Variants in ETF1 observed in about 807,000 individuals in gnomAD.
The protein encoded by ETF1 is eukaryotic translation termination factor 1.
A neutral mutation model predicts 55.1 loss-of-function variants in ETF1; 4 were observed. That is an observed-to-expected ratio of 0.07 (90% confidence interval 0.04 to 0.17). The LOEUF (loss-of-function observed/expected upper bound fraction) is 0.17, where lower values mean the gene tolerates loss of function less well. Ranked by LOEUF, ETF1 falls within the 10% of genes least tolerant of loss-of-function variation. The pLI, the probability that ETF1 is intolerant of heterozygous loss-of-function variation, is 1.00. For missense variants in ETF1, 142 were observed against 523.6 expected (o/e 0.27, Z 7.11); for synonymous variants, 157 against 182.3 (o/e 0.86, Z 1.12).
chr5:138,513,154 G>T (rs753717241), intron 5 of ETF1, 200 bp from the exon 6 acceptor site: 1 of 985,176 alleles, frequency 1.0e-6, no homozygotes, highest in African/African-American at 1.7e-5. Context: ...GGAGCTGTAA[G>T]TACCAATGAG....
At chr5:138,524,490 C>T (rs1040660119) in intron 2 of ETF1, among the ~76,000 whole-genome samples, 2 of 150,348 alleles carry the variant, frequency 1.3e-5, no homozygotes, top group Non-Finnish European at 3.0e-5. Flanking sequence ...GAGGTTGAGG[C>T]TGCAGTGAGC....
At chr5:138,535,809 A>G (rs1179291473) in intron 2 of ETF1, among the ~76,000 whole-genome samples, 4 of 121,366 alleles carry the variant, frequency 3.3e-5, no homozygotes, top group Non-Finnish European at 6.4e-5. Flanking sequence ...TGGGAGGTGG[A>G]GGTTGCAGTA....
chr5:138,509,230 A>G (rs2127060864), intron 9 of ETF1: 1 of 964,932 alleles, frequency 1.0e-6, no homozygotes, highest in Admixed American at 6.2e-5. Flanking sequence ...TGAGGAAGCT[A>G]TCATTTAAAC....
intron 2 of ETF1, among the ~76,000 whole-genome samples, chr5:138,542,474 G>A (rs938098301): frequency 1.3e-5 from 2 of 151,454 alleles, no homozygotes; most frequent in East Asian, 1.9e-4. Context: ...GGGAAAGGAA[G>A]GCCGAACACT....
At chr5:138,512,259 T>TATTATTTTATATATATATA (rs57032066) in intron 6 of ETF1, among the ~76,000 whole-genome samples, 13 of 15,796 alleles carry the variant, frequency 8.2e-4, no homozygotes, top group Middle Eastern at 0.071. Context: ...TATATATATA[T>TATTATTTTATATATATATA]TTTTTTTTTT....
At chr5:138,540,364 AC>A (rs1386613797) in intron 2 of ETF1, among the ~76,000 whole-genome samples, 2 of 152,218 alleles carry the variant, frequency 1.3e-5, no homozygotes, top group Non-Finnish European at 2.9e-5. Context: ...ATCAGCAAAT[AC>A]AGATTCATTT....
chr5:138,513,468 T>C (rs1764896460), intron 5 of ETF1, 100 bp downstream of exon 5: 2 of 1,054,898 alleles, frequency 1.9e-6, no homozygotes, highest in Non-Finnish European at 2.8e-6. Context: ...CCTCCCAAAG[T>C]GCTGGGATTA....
intron 2 of ETF1, among the ~76,000 whole-genome samples, chr5:138,535,939 T>A (rs1272296620): frequency 7.1e-6 from 1 of 141,258 alleles, no homozygotes; most frequent in Non-Finnish European, 1.5e-5. Context: ...CCCTTCAACA[T>A]GTACTGTGTT....
At position 138,518,687 on chromosome 5, in the gene ETF1, A is replaced by G; in HGVS notation, c.262+5T>C. On this transcript the variant is annotated splice_donor_5th_base_variant and intron_variant, in intron 3 of 10. Transcript: ENST00000360541. ...GAGAAGGAAAAGGAGCAAACTCCAG[A>G]TTACCTTTGTTATAAAGTTTGAGTC... 1 of 1,609,600 alleles carries G rather than the reference A, an allele frequency of 6.2e-7. No individual in the cohort carries two copies. The highest frequency in any genetic ancestry group is 8.5e-7 in the Non-Finnish European group (1 of 1,176,436).
At chr5:138,517,939 C>A (rs1005989965) in intron 3 of ETF1, 1 of 963,194 alleles carries the variant, frequency 1.0e-6, no homozygotes, top group Non-Finnish European at 1.2e-6. Flanking sequence ...TGGTGGCTCA[C>A]GCCTGTAATC....
chr5:138,506,992 C>G lies in ETF1; in HGVS notation c.*1313G>C, dbSNP rs184005363. On this transcript the variant is annotated 3_prime_UTR_variant, in exon 11 of 11. Coordinates refer to ENST00000360541, the MANE Select transcript of ETF1 (RefSeq NM_004730.4). ...GGTATACTTTTTTCCATCGCTACCA[C>G]TGGGCACGTACTATACACTTTGTTC... The G allele has an allele frequency of 2.6e-5, 4 of 152,510 alleles. No individual in the cohort carries two copies. Among genetic ancestry groups the G allele is most frequent in the African/African-American group, 9.6e-5 (4 of 41,566 alleles). 9.4% of individuals were successfully genotyped at this position (152,510 alleles called of 1,614,324 possible).
At chr5:138,516,371 A>AAC (rs3884296) in intron 4 of ETF1, among the ~76,000 whole-genome samples, 66,854 of 150,684 alleles carry the variant, frequency 0.44, 16,433 homozygotes, top group Non-Finnish European at 0.54. Flanking sequence ...CAAAAATCAA[A>AAC]ACACACACAC....
chr5:138,525,340 TAG>T (rs1308744170), intron 2 of ETF1, among the ~76,000 whole-genome samples: 2 of 151,370 alleles, frequency 1.3e-5, no homozygotes, highest in African/African-American at 4.9e-5. Context: ...GTATTTTTAG[TAG>T]AGATAAGGTT....
At chr5:138,518,123 A>C (rs968081508) in intron 3 of ETF1, among the ~76,000 whole-genome samples, 2 of 148,114 alleles carry the variant, frequency 1.4e-5, no homozygotes, top group African/African-American at 5.0e-5. Flanking sequence ...AATCACTTCA[A>C]CCTGGGAGGC....
At chr5:138,541,578 A>C in intron 2 of ETF1, 1 of 1,534,918 alleles carries the variant, frequency 6.5e-7, no homozygotes, top group Non-Finnish European at 8.7e-7. Context: ...AGTAATAATG[A>C]AGAGCTTGGA....
At chr5:138,542,748 T>G (rs1766238561) in intron 2 of ETF1, 85 bp downstream of exon 2, 1 of 1,564,458 alleles carries the variant, frequency 6.4e-7, no homozygotes, top group East Asian at 2.4e-5. Flanking sequence ...CTGGTTCTCC[T>G]CATCCGGCCA....
At chr5:138,519,542 A>G (rs1217866851) in intron 2 of ETF1, among the ~76,000 whole-genome samples, 1 of 151,984 alleles carries the variant, frequency 6.6e-6, no homozygotes, top group Admixed American at 6.6e-5. Context: ...AAGTGCCTGT[A>G]ATCCCAGCTA....
chr5:138,514,871 G>A (rs150637021), intron 4 of ETF1, among the ~76,000 whole-genome samples: 9 of 152,254 alleles, frequency 5.9e-5, no homozygotes, highest in South Asian at 4.1e-4. Context: ...CAGTGGAATC[G>A]GAATACTACA....
At chr5:138,542,642 G>A (rs1201164311) in intron 2 of ETF1, 191 bp downstream of exon 2, 4 of 1,426,650 alleles carry the variant, frequency 2.8e-6, no homozygotes, top group South Asian at 1.5e-5. Flanking sequence ...ACCCCCATGC[G>A]GGGAAAGGAC....
Sources: allele counts gnomAD v4.1 joint callset (sites outside exome capture counted in the v4.1 genomes callset), GRCh38; gene constraint gnomAD v4.1.1; transcripts MANE v1.5; gene names NCBI Gene and HGNC (gene_info 2026-07-23, HGNC 2026-07-21).